The following PARD3B variants were observed in gnomAD, a reference collection of about 807,000 sequenced individuals.
PARD3B encodes the protein par-3 family cell polarity regulator beta, also known as partitioning defective 3 homolog B.
PARD3B carries 103 observed loss-of-function variants against 130.2 expected under a neutral mutation model. The ratio of observed to expected loss-of-function variants is 0.79; its 90% confidence interval spans 0.67 to 0.93. The LOEUF is 0.93. Among genes scored for constraint, PARD3B ranks in the 40% least tolerant of loss-of-function variants. The probability of loss-of-function intolerance (pLI) is 0.00; values close to 1 mark genes in which losing one functional copy is unlikely to be tolerated. For missense variants in PARD3B, 1,609 were observed against 1,499.2 expected (o/e 1.07, Z -1.21); for synonymous variants, 583 against 553.2 (o/e 1.05, Z -0.76).
chr2:204,860,149 C>T (rs941492916), intron 2 of PARD3B, among the ~76,000 whole-genome samples: 1 of 152,050 alleles, frequency 6.6e-6, no homozygotes, highest in Admixed American at 6.5e-5. Context: ...GGAATCGCAG[C>T]TATAAAAATG....
chr2:204,638,374 T>C (rs1400211012), intron 1 of PARD3B, among the ~76,000 whole-genome samples: 2 of 152,226 alleles, frequency 1.3e-5, no homozygotes, highest in Admixed American at 1.3e-4. Context: ...TTACTAGGTA[T>C]GTCAGTGTTT....
At chr2:204,745,878 T>C (rs1355523965) in intron 2 of PARD3B, among the ~76,000 whole-genome samples, 1 of 152,078 alleles carries the variant, frequency 6.6e-6, no homozygotes, top group African/African-American at 2.4e-5. Context: ...AGCCCCATCC[T>C]CCCAGTTTCT....
At chr2:205,543,240 T>G (rs2052239806) in intron 21 of PARD3B, among the ~76,000 whole-genome samples, 1 of 151,782 alleles carries the variant, frequency 6.6e-6, no homozygotes, top group South Asian at 2.1e-4. Context: ...TATGAATAAC[T>G]GAAAAAAAAA....
At chr2:205,242,996 G>A (rs370561367) in intron 15 of PARD3B, among the ~76,000 whole-genome samples, 69 of 152,086 alleles carry the variant, frequency 4.5e-4, no homozygotes, top group African/African-American at 1.5e-3. Context: ...GAGAAACCCC[G>A]TCTCTACTAA....
chr2:204,940,080 CGGACTCTGGAGAGCTTACT>C (rs1688787280), intron 2 of PARD3B, among the ~76,000 whole-genome samples: 1 of 152,102 alleles, frequency 6.6e-6, no homozygotes, highest in Non-Finnish European at 1.5e-5. Flanking sequence ...GAGAGCTTAC[CGGACTCTGGAGAGCTTACT>C]AGGCTCTGTG....
intron 10 of PARD3B, among the ~76,000 whole-genome samples, chr2:205,134,995 G>A (rs973236025): frequency 6.6e-6 from 1 of 151,574 alleles, no homozygotes; most frequent in African/African-American, 2.4e-5. Context: ...GTCTTGCAAA[G>A]TTAACAGTGA....
intron 22 of PARD3B, 27 bp downstream of exon 22, chr2:205,553,430 C>A: frequency 6.3e-7 from 1 of 1,590,082 alleles, no homozygotes; most frequent in Non-Finnish European, 8.6e-7. Context: ...TCTCCCATCT[C>A]CAGCTCACCT....
intron 22 of PARD3B, among the ~76,000 whole-genome samples, chr2:205,597,648 G>A (rs1314156333): frequency 6.6e-6 from 1 of 152,180 alleles, no homozygotes; most frequent in African/African-American, 2.4e-5. Flanking sequence ...AGCAGTGTAT[G>A]AGTATTCCCC....
At chr2:204,886,971 G>C (rs1396175067) in intron 2 of PARD3B, among the ~76,000 whole-genome samples, 1 of 152,054 alleles carries the variant, frequency 6.6e-6, no homozygotes, top group Non-Finnish European at 1.5e-5. Flanking sequence ...GGCAATTGAG[G>C]TATTTTTCAA....
chr2:204,982,329 T>C (rs1198032180), intron 3 of PARD3B, among the ~76,000 whole-genome samples: 1 of 152,152 alleles, frequency 6.6e-6, no homozygotes, highest in East Asian at 1.9e-4. Flanking sequence ...TGTCAGCTGC[T>C]TCAAGGAGCT....
chr2:205,222,113 A>G (rs2038272717), intron 15 of PARD3B, among the ~76,000 whole-genome samples: 1 of 152,136 alleles, frequency 6.6e-6, no homozygotes, highest in African/African-American at 2.4e-5. Flanking sequence ...AAGTTGAAAA[A>G]AAAATCCCAG....
intron 18 of PARD3B, among the ~76,000 whole-genome samples, chr2:205,332,006 G>A (rs920672794): frequency 1.3e-5 from 2 of 151,948 alleles, no homozygotes; most frequent in Admixed American, 6.6e-5. Flanking sequence ...TCGGGAAACC[G>A]AGGCAGGAGA....
chr2:204,701,780 G>A (rs143057397), intron 2 of PARD3B, among the ~76,000 whole-genome samples: 2 of 151,678 alleles, frequency 1.3e-5, no homozygotes, highest in Non-Finnish European at 1.5e-5. Context: ...GTACATGTAC[G>A]GGTTTGTTAC....
intron 22 of PARD3B, among the ~76,000 whole-genome samples, chr2:205,582,609 A>T (rs535935523): frequency 6.6e-6 from 1 of 151,950 alleles, no homozygotes; most frequent in Non-Finnish European, 1.5e-5. Flanking sequence ...CTTTTCCTCA[A>T]ATATTTTTGG....
chr2:204,800,388 CA>C (rs1309531945), intron 2 of PARD3B, among the ~76,000 whole-genome samples: 1 of 151,886 alleles, frequency 6.6e-6, no homozygotes, highest in African/African-American at 2.4e-5. Flanking sequence ...AAAGTCGCCT[CA>C]AAAGGGCAAA....
chr2:205,070,676 G>A (rs1024870924), intron 4 of PARD3B, among the ~76,000 whole-genome samples: 3 of 151,714 alleles, frequency 2.0e-5, no homozygotes, highest in South Asian at 2.1e-4. Flanking sequence ...TTTGTTTTTC[G>A]CCATTAGTAA....
chr2:205,538,600 A>G (rs1285826460), intron 21 of PARD3B, among the ~76,000 whole-genome samples: 8 of 152,146 alleles, frequency 5.3e-5, no homozygotes, highest in African/African-American at 9.7e-5. Context: ...TTCTCTCTCT[A>G]TAATTCCCTC....
chr2:204,607,445 T>C (rs929846338), intron 1 of PARD3B, among the ~76,000 whole-genome samples: 5 of 152,106 alleles, frequency 3.3e-5, no homozygotes, highest in Admixed American at 3.3e-4. Context: ...GGACCTTCGA[T>C]CATAATTCAC....
chr2:204,643,766 C>G (rs1403416409), intron 1 of PARD3B, among the ~76,000 whole-genome samples: 1 of 152,092 alleles, frequency 6.6e-6, no homozygotes, highest in Non-Finnish European at 1.5e-5. Context: ...TAGCAATTGC[C>G]TATTTATTCA....
Sources: gnomAD v4.1 joint callset for allele counts (sites outside exome capture counted in the v4.1 genomes callset) on GRCh38, gnomAD v4.1.1 for gene constraint, MANE v1.5 for transcripts, NCBI Gene and HGNC (gene_info 2026-07-23, HGNC 2026-07-21) for gene names.